The following LAMA2 variants were observed in gnomAD, a reference collection of about 807,000 sequenced individuals.
The protein encoded by LAMA2 is laminin subunit alpha-2.
LAMA2 carries 269 observed loss-of-function variants against 364.8 expected under a neutral mutation model. That is an observed-to-expected ratio of 0.74 (90% CI 0.67 to 0.82). The LOEUF (loss-of-function observed/expected upper bound fraction) is 0.82. Among genes scored for constraint, LAMA2 ranks in the 40% least tolerant of loss-of-function variants. The probability of loss-of-function intolerance (pLI) is 0.00; values close to 1 mark genes in which losing one functional copy is unlikely to be tolerated. For synonymous variants in LAMA2, 1,379 were observed against 1,370.6 expected (o/e 1.01, Z -0.14); for missense variants, 3,807 against 3,873.2 (o/e 0.98, Z 0.45).
intron 52 of LAMA2, among the ~76,000 whole-genome samples, chr6:129,474,160 T>A (rs1783953800): frequency 6.6e-6 from 1 of 152,084 alleles, no homozygotes; most frequent in African/African-American, 2.4e-5. Flanking sequence ...TTTTAAAGGG[T>A]ATAAAAGTTC....
chr6:129,178,006 C>A (rs1780713682), intron 10 of LAMA2, 140 bp downstream of exon 10: 3 of 864,462 alleles, frequency 3.5e-6, no homozygotes, highest in Admixed American at 2.0e-5. Flanking sequence ...TGGTGACCCA[C>A]CAGGTTCACT....
chr6:128,941,035 G>A (rs2114541329), intron 1 of LAMA2, among the ~76,000 whole-genome samples: 1 of 152,304 alleles, frequency 6.6e-6, no homozygotes, highest in Non-Finnish European at 1.5e-5. Flanking sequence ...AGCATTTGTA[G>A]GGGTACAGAA....
chr6:129,488,887 G>T (rs1357927649), intron 56 of LAMA2, among the ~76,000 whole-genome samples: 1 of 152,138 alleles, frequency 6.6e-6, no homozygotes, highest in Non-Finnish European at 1.5e-5. Flanking sequence ...TCACATACTA[G>T]ACAAAGATGA....
chr6:129,215,301 T>C (rs1783357639), intron 12 of LAMA2, among the ~76,000 whole-genome samples: 1 of 152,148 alleles, frequency 6.6e-6, no homozygotes, highest in South Asian at 2.1e-4. Flanking sequence ...CCTCAAGAGA[T>C]TATTCAAAAT....
chr6:129,331,053 T>C (rs1583511279), intron 29 of LAMA2, among the ~76,000 whole-genome samples: 1 of 152,112 alleles, frequency 6.6e-6, no homozygotes, highest in East Asian at 1.9e-4. Flanking sequence ...GTATTTTTAA[T>C]AGAGACGGGG....
chr6:129,373,061 C>T (rs1198520120), intron 34 of LAMA2, among the ~76,000 whole-genome samples: 1 of 151,920 alleles, frequency 6.6e-6, no homozygotes, highest in African/African-American at 2.4e-5. Flanking sequence ...TGTCTTTTGC[C>T]ATTATTTGCT....
At chr6:129,342,813 C>T (rs1417867637) in intron 30 of LAMA2, among the ~76,000 whole-genome samples, 1 of 152,046 alleles carries the variant, frequency 6.6e-6, no homozygotes, top group Non-Finnish European at 1.5e-5. Context: ...ATAATATCAT[C>T]TATGAAGGAT....
intron 12 of LAMA2, among the ~76,000 whole-genome samples, chr6:129,249,657 A>G (rs192786978): frequency 3.3e-5 from 5 of 152,296 alleles, no homozygotes; most frequent in Admixed American, 2.6e-4. Flanking sequence ...TGTATGGGCT[A>G]TGTAAAGTGC....
At position 129,477,303 on chromosome 6, in the gene LAMA2, A is replaced by C. The variant is rs1784113122; in HGVS notation, c.7452-1390A>C. 2.9e-5 allele frequency among the ~76,000 whole-genome samples: 4 copies of C among 137,032 alleles called. 1 individual carries two copies. In the Middle Eastern group the frequency reaches 0.011, roughly 372 times the overall value. The allele number at this position is 137,032 out of a possible 152,430, so 89.9% of individuals were successfully genotyped here. ...TAGTAACTACTGATTTGGACAGTGC[A>C]GAAAACAGACAATATCCATCATCAC... On this transcript the variant is annotated intron_variant, in intron 53 of 64. Coordinates refer to ENST00000421865, the MANE Select transcript of LAMA2 (RefSeq NM_000426.4).
intron 1 of LAMA2, among the ~76,000 whole-genome samples, chr6:128,931,846 C>G (rs1372232467): frequency 2.0e-5 from 3 of 152,112 alleles, no homozygotes; most frequent in Admixed American, 6.5e-5. Context: ...TACTTTTAAA[C>G]TCTTACTTTC....
At chr6:128,942,858 A>G (rs1180208528) in intron 1 of LAMA2, among the ~76,000 whole-genome samples, 1 of 152,140 alleles carries the variant, frequency 6.6e-6, no homozygotes, top group African/African-American at 2.4e-5. Flanking sequence ...TGGCAGGGGT[A>G]ACCGAAAAGT....
chr6:129,109,131 C>T (rs556505011), intron 4 of LAMA2, among the ~76,000 whole-genome samples: 2 of 152,080 alleles, frequency 1.3e-5, no homozygotes, highest in South Asian at 2.1e-4. Flanking sequence ...GGGGCCACAC[C>T]GTATTAAATA....
chr6:129,399,855 A>T, intron 37 of LAMA2, among the ~76,000 whole-genome samples: 1 of 152,202 alleles, frequency 6.6e-6, no homozygotes, highest in Non-Finnish European at 1.5e-5. Flanking sequence ...TGTGATTTCT[A>T]TAATAGAAGA....
intron 20 of LAMA2, among the ~76,000 whole-genome samples, chr6:129,295,405 C>T (rs1035688563): frequency 1.3e-5 from 2 of 152,088 alleles, no homozygotes; most frequent in African/African-American, 4.8e-5. Flanking sequence ...GCCACTCTCT[C>T]CCATATTTAT....
chr6:129,256,568 CAGA>C (rs1321765862), intron 14 of LAMA2, among the ~76,000 whole-genome samples: 1 of 151,496 alleles, frequency 6.6e-6, no homozygotes, highest in Non-Finnish European at 1.5e-5. Context: ...ATAAATAGTG[CAGA>C]AGAAGTGTGC....
intron 40 of LAMA2, among the ~76,000 whole-genome samples, chr6:129,423,940 G>A (rs1055625939): frequency 5.3e-5 from 8 of 151,946 alleles, no homozygotes; most frequent in Non-Finnish European, 1.0e-4. Flanking sequence ...TTGGAAAGGA[G>A]AAAAATGTTG....
At chr6:129,104,558 C>T (rs544559201) in intron 4 of LAMA2, among the ~76,000 whole-genome samples, 1 of 152,246 alleles carries the variant, frequency 6.6e-6, no homozygotes, top group East Asian at 1.9e-4. Flanking sequence ...GTAAATTTCT[C>T]ATCAATCTAT....
At chr6:128,995,613 C>G (rs139897990) in intron 1 of LAMA2, among the ~76,000 whole-genome samples, 1 of 152,192 alleles carries the variant, frequency 6.6e-6, no homozygotes, top group Admixed American at 6.5e-5. Flanking sequence ...CATGAACCAC[C>G]GCACCTGGCC....
At chr6:129,448,410 A>AT (rs1157781777) in intron 45 of LAMA2, among the ~76,000 whole-genome samples, 1 of 152,236 alleles carries the variant, frequency 6.6e-6, no homozygotes, top group Non-Finnish European at 1.5e-5. Flanking sequence ...ACAATGCCTT[A>AT]TTTTTTGTAA....
Sources: gnomAD v4.1 joint callset for allele counts (sites outside exome capture counted in the v4.1 genomes callset) on GRCh38, gnomAD v4.1.1 for gene constraint, MANE v1.5 for transcripts, NCBI Gene and HGNC (gene_info 2026-07-23, HGNC 2026-07-21) for gene names.